The following ZFX variants were observed in gnomAD, a reference collection of about 807,000 sequenced individuals.
ZFX encodes the protein zinc finger X-chromosomal protein.
For synonymous variants in ZFX, 196 were observed against 226.8 expected, an observed-to-expected ratio of 0.86 and a Z score of 1.22; for missense variants, 362 against 628.3, an observed-to-expected ratio of 0.58 and a Z score of 4.53.
At chrX:24,161,285 T>A (rs2147316336) in intron 3 of ZFX, among the ~76,000 whole-genome samples, 1 of 112,153 alleles carries the variant, frequency 8.9e-6, no homozygotes, top group Admixed American at 9.5e-5. Flanking sequence ...ATTGTAAAGA[T>A]GTCCGTTCTC....
At chrX:24,154,960 C>G (rs1932649015) in intron 3 of ZFX, among the ~76,000 whole-genome samples, 1 of 110,129 alleles carries the variant, frequency 9.1e-6, no homozygotes, top group African/African-American at 3.3e-5. Context: ...AAACGAGACA[C>G]TGGGGGTCTA....
chrX:24,211,798 T>C lies in ZFX; in HGVS notation c.*422T>C, dbSNP rs1236107642. ...CCCCATACATTTCTCACAATAAAAT[T>C]GTCAGAGACATCTACTAATATAAAT... On this transcript the variant is annotated 3_prime_UTR_variant, in exon 10 of 10. Coordinates refer to ENST00000304543, the MANE Select transcript of ZFX (RefSeq NM_003410.4). 8.3e-6 allele frequency: 1 copy of C among 121,015 alleles called. No homozygotes were observed. Among genetic ancestry groups the C allele is most frequent in the Non-Finnish European group, 1.7e-5 (1 of 58,753 alleles). The allele number at this position is 121,015 out of a possible 1,213,427, so 10.0% of individuals were successfully genotyped here. A position where few individuals can be genotyped will look rare whatever the true frequency, so the allele number is the denominator to read the frequency against.
chrX:24,191,779 A>G (rs908080537), intron 5 of ZFX, among the ~76,000 whole-genome samples: 1 of 109,190 alleles, frequency 9.2e-6, no homozygotes, highest in Non-Finnish European at 1.9e-5. Flanking sequence ...GACTCACTGC[A>G]ACCTCCATCT....
At chrX:24,173,842 G>C (rs1372748541) in intron 4 of ZFX, 5 of 401,629 alleles carry the variant, frequency 1.2e-5, no homozygotes, top group South Asian at 4.3e-5. Context: ...TGATCTGCCT[G>C]CCTCGGTCTC....
At chrX:24,208,065 T>C (rs1937734215) in intron 7 of ZFX, among the ~76,000 whole-genome samples, 153 bp from the exon 8 acceptor site, 1 of 113,027 alleles carries the variant, frequency 8.8e-6, no homozygotes, top group African/African-American at 3.2e-5. Flanking sequence ...TCAACAAATA[T>C]GTATTGAGTG....
chrX:24,188,191 A>AT (rs1205608250), intron 5 of ZFX, among the ~76,000 whole-genome samples: 14 of 106,300 alleles, frequency 1.3e-4, no homozygotes, highest in Non-Finnish European at 1.8e-4. Context: ...AAAAAAAAAA[A>AT]TTTTTTTTTT....
chrX:24,172,826 TC>T (rs1418091014), intron 4 of ZFX, 26 bp downstream of exon 4: 28 of 1,171,344 alleles, frequency 2.4e-5, no homozygotes, highest in Non-Finnish European at 3.1e-5. Context: ...TTGTTCCACT[TC>T]CCATCTACCA....
chrX:24,184,067 CAG>C (rs1935911296), intron 5 of ZFX, among the ~76,000 whole-genome samples: 1 of 111,887 alleles, frequency 8.9e-6, no homozygotes, highest in South Asian at 3.7e-4. Context: ...GGCTGAAACA[CAG>C]ATAAATTTCA....
chrX:24,180,906 GAC>G (rs1342013978), intron 5 of ZFX, among the ~76,000 whole-genome samples: 2 of 112,041 alleles, frequency 1.8e-5, no homozygotes, highest in South Asian at 3.7e-4. Context: ...CATCTGGAAA[GAC>G]AACCGTTATC....
intron 5 of ZFX, among the ~76,000 whole-genome samples, chrX:24,185,150 C>G (rs1388557859): frequency 9.0e-6 from 1 of 111,125 alleles, no homozygotes; most frequent in African/African-American, 3.3e-5. Context: ...GGGGGTTTTG[C>G]CATGTTGCCC....
chrX:24,209,123 A>G, intron 9 of ZFX, 83 bp downstream of exon 9: 1 of 1,184,978 alleles, frequency 8.4e-7, no homozygotes, highest in South Asian at 1.9e-5. Flanking sequence ...GGGGTGTCAC[A>G]ATGGCATTTT....
chrX:24,173,342 T>C (rs1229569766), intron 4 of ZFX, among the ~76,000 whole-genome samples: 1 of 110,681 alleles, frequency 9.0e-6, no homozygotes, highest in Non-Finnish European at 1.9e-5. Context: ...TATTCTCTAA[T>C]ACCCAGTAGA....
At chrX:24,208,418 A>C in intron 8 of ZFX, 48 bp downstream of exon 8, 1 of 1,186,126 alleles carries the variant, frequency 8.4e-7, no homozygotes, top group Non-Finnish European at 1.1e-6. Flanking sequence ...GTTCTTAAAC[A>C]TGAATCCATG....
intron 5 of ZFX, among the ~76,000 whole-genome samples, chrX:24,189,258 TC>T (rs921895585): frequency 8.9e-6 from 1 of 112,060 alleles, no homozygotes; most frequent in Non-Finnish European, 1.9e-5. Context: ...CTTCTTGGTT[TC>T]CAGCTTATGC....
intron 5 of ZFX, among the ~76,000 whole-genome samples, chrX:24,205,342 T>C (rs1284261441): frequency 1.8e-5 from 2 of 112,198 alleles, no homozygotes; most frequent in African/African-American, 6.5e-5. Flanking sequence ...GTGCTAACTT[T>C]TCATTAGTCT....
intron 4 of ZFX, among the ~76,000 whole-genome samples, chrX:24,174,769 G>A (rs1334548528): frequency 1.8e-5 from 2 of 109,809 alleles, no homozygotes; most frequent in African/African-American, 6.6e-5. Context: ...GCTAGAGTAC[G>A]GTGGCATGAT....
intron 4 of ZFX, among the ~76,000 whole-genome samples, chrX:24,176,846 G>A (rs1935192624): frequency 8.9e-6 from 1 of 112,116 alleles, no homozygotes; most frequent in African/African-American, 3.2e-5. Flanking sequence ...GTCAACCAGA[G>A]GCACTAATCT....
intron 4 of ZFX, among the ~76,000 whole-genome samples, chrX:24,176,884 T>G (rs766188098): frequency 8.9e-6 from 1 of 112,198 alleles, no homozygotes; most frequent in South Asian, 3.7e-4. Flanking sequence ...GTAAGACTTA[T>G]AAAACTTTCT....
chrX:24,176,724 C>T (rs973935430), intron 4 of ZFX, among the ~76,000 whole-genome samples: 18 of 109,502 alleles, frequency 1.6e-4, no homozygotes, highest in African/African-American at 5.0e-4. Context: ...TGAGCCACCA[C>T]GCCAGACCTG....
Sources: gnomAD v4.1 joint callset for allele counts (sites outside exome capture counted in the v4.1 genomes callset) on GRCh38, gnomAD v4.1.1 for gene constraint, MANE v1.5 for transcripts, NCBI Gene and HGNC (gene_info 2026-07-23, HGNC 2026-07-21) for gene names.